Variants in PRAG1 observed in about 807,000 individuals in gnomAD.
PRAG1 encodes PEAK1 related, kinase-activating pseudokinase 1.
A neutral mutation model predicts 95.6 loss-of-function variants in PRAG1; 110 were observed. That is an observed-to-expected ratio of 1.15 (90% CI 0.99 to 1.35). The LOEUF (loss-of-function observed/expected upper bound fraction) is 1.35, where lower values mean the gene tolerates loss of function less well. Ranked by LOEUF, PRAG1 falls within the 40% of genes most tolerant of loss-of-function variation. The pLI, the probability that PRAG1 is intolerant of heterozygous loss-of-function variation, is 0.00. For synonymous variants in PRAG1, 1,052 were observed against 819.4 expected (o/e 1.28, Z -4.85); for missense variants, 2,554 against 1,864.7 (o/e 1.37, Z -6.81).
In PRAG1 at chr8:8,377,558, C is replaced by A. The variant is rs1210046417; in HGVS notation, c.851G>T (p.Cys284Phe). ...CCCCTGCTCCCAGCACGTGGGTGAG[C>A]AGTCCCTGCCACCATGCCTGCCCCG... ...GSRGRHGGRD[C>F]SPTCWEQGKC... The change falls in exon 3 of 6, where the codon TGC becomes TTC. Residue 284 changes from cysteine (C) to phenylalanine (F), a missense_variant. Coordinates refer to ENST00000615670, the MANE Select transcript of PRAG1 (RefSeq NM_001080826.3). 2 of 1,606,012 alleles carry A rather than the reference C, an allele frequency of 1.2e-6. No individual in the cohort carries two copies. The highest frequency in any genetic ancestry group is 1.1e-5 in the South Asian group (1 of 89,994).
chr8:8,373,870 A>G (rs1238823720), intron 3 of PRAG1, among the ~76,000 whole-genome samples: 1 of 152,170 alleles, frequency 6.6e-6, no homozygotes, highest in Non-Finnish European at 1.5e-5. Flanking sequence ...TTATCATAAC[A>G]AACTGGGCCG....
At chr8:8,382,414 C>A (rs552007519) in intron 1 of PRAG1, among the ~76,000 whole-genome samples, 22 of 152,326 alleles carry the variant, frequency 1.4e-4, no homozygotes, top group African/African-American at 5.1e-4. Flanking sequence ...AAGTGGGGTG[C>A]TGGCCTGTCC....
chr8:8,318,312 T>C lies in PRAG1; in HGVS notation c.4063A>G (p.Ile1355Val). Residue 1355 changes from isoleucine to valine, a missense_variant, in exon 6 of 6, where the codon ATC becomes GTC. Ile to Val is a conservative substitution (Grantham distance 29). Coordinates refer to ENST00000615670, the MANE Select transcript of PRAG1 (RefSeq NM_001080826.3). This position sits in a 1 kb window ranked among gnomAD's most constrained non-coding sequence, Gnocchi z 4.2. ...ATCATCAGGGCCCGCTTCATGTCGA[T>C]CCAGTTGTGCAGCGTGCCGCACAGC... The part of the protein sequence containing the change: ...EALCGTLHNW[I>V]DMKRALMMMK... 1 of 1,614,118 alleles carries C rather than the reference T, an allele frequency of 6.2e-7. No individual in the cohort carries two copies. The highest frequency in any genetic ancestry group is 8.5e-7 in the Non-Finnish European group (1 of 1,179,974).
intron 5 of PRAG1, among the ~76,000 whole-genome samples, chr8:8,325,802 A>G (rs561907616): frequency 6.6e-6 from 1 of 151,900 alleles, no homozygotes; most frequent in Non-Finnish European, 1.5e-5. Flanking sequence ...AGTCCCAGTT[A>G]CTCAGGAGAC....
At position 8,318,967 on chromosome 8, in the gene PRAG1, C is replaced by T. The variant is rs373317633; in HGVS notation, c.3408G>A (p.Leu1136=). 6.2e-6 allele frequency: 10 copies of T among 1,613,130 alleles called. No individual in the cohort carries two copies. Among genetic ancestry groups the T allele is most frequent in the South Asian group, 1.1e-5 (1 of 91,076 alleles). Residue 1136 remains leucine (L), a synonymous_variant, in exon 6 of 6, where the codon CTG becomes CTA. Coordinates refer to ENST00000615670, the MANE Select transcript of PRAG1 (RefSeq NM_001080826.3). This position sits in a 1 kb window ranked among gnomAD's most constrained non-coding sequence, Gnocchi z 4.2. ...CCCGGTGGATGATCCCGTGCTCCTT[C>T]AGGTGCTCCAGCCCGTTGCAGAGTT... ...LLQLCNGLEH[L]KEHGIIHRDL...
At position 8,328,349 on chromosome 8, in the gene PRAG1, C is replaced by T. The variant is rs564201535; in HGVS notation, c.2433G>A (p.Gln811=). Residue 811 remains glutamine, a synonymous_variant, in exon 5 of 6, where the codon CAG becomes CAA. Coordinates refer to ENST00000615670, the MANE Select transcript of PRAG1 (RefSeq NM_001080826.3). Reference sequence around the variant, plus strand: ...TCTTTTTCTGGGGGAGTGGAGGGGGCTGCTGGGGGCCACTGGGGGACACGT... The same window carrying T: ...TCTTTTTCTGGGGGAGTGGAGGGGGTTGCTGGGGGCCACTGGGGGACACGT... ...TEDVSPSGPQ[Q]PPPLPQKKIV... 12 of 1,612,864 alleles carry T rather than the reference C, an allele frequency of 7.4e-6. No individual in the cohort carries two copies. In the South Asian group the frequency reaches 1.3e-4, roughly 18 times the overall value.
chr8:8,365,742 C>T (rs1249615965), intron 3 of PRAG1, among the ~76,000 whole-genome samples: 2 of 151,996 alleles, frequency 1.3e-5, no homozygotes, highest in African/African-American at 2.4e-5. Flanking sequence ...GAGGGTGGAT[C>T]ACCTGAGGTC....
At position 8,381,758 on chromosome 8, in the gene PRAG1, C is replaced by T. The variant is rs759707553; in HGVS notation, c.-11G>A. 3.2e-6 allele frequency: 5 copies of T among 1,564,686 alleles called. No homozygotes were observed. In the East Asian group the frequency reaches 1.1e-4, roughly 35 times the overall value. ...GAGGGTCTGGTGCATCTTGAGCCGA[C>T]AGGGTGCTGGTTCATCTTGCGCCCG... On this transcript the variant is annotated 5_prime_UTR_variant, in exon 2 of 6. Coordinates refer to ENST00000615670, the MANE Select transcript of PRAG1 (RefSeq NM_001080826.3).
chr8:8,385,855 C>A (rs1800829042), intron 1 of PRAG1, among the ~76,000 whole-genome samples: 1 of 152,090 alleles, frequency 6.6e-6, no homozygotes, highest in South Asian at 2.1e-4. Context: ...CTCTGGAGCC[C>A]CGCTGCTGCA....
intron 3 of PRAG1, among the ~76,000 whole-genome samples, chr8:8,372,959 T>C (rs1800259733): frequency 6.6e-6 from 1 of 152,188 alleles, no homozygotes; most frequent in African/African-American, 2.4e-5. Flanking sequence ...GCAAGTCCTT[T>C]TTCTAGAGGT....
intron 3 of PRAG1, among the ~76,000 whole-genome samples, 179 bp downstream of exon 3, chr8:8,376,068 G>A (rs35968648): frequency 6.6e-6 from 1 of 152,136 alleles, no homozygotes; most frequent in Non-Finnish European, 1.5e-5. Context: ...GGTACAAAGA[G>A]GGCCACAACT....
chr8:8,318,148 C>T lies in PRAG1; in HGVS notation c.*6G>A, dbSNP rs1318143811. 1.2e-6 allele frequency: 2 copies of T among 1,608,660 alleles called. No homozygotes were observed. Among genetic ancestry groups the T allele is most frequent in the Admixed American group, 1.7e-5 (1 of 59,610 alleles). The stretch of plus-strand genomic sequence containing the variant: ...GGGGCAGCGACGGTGCAGGCTGGGG[C>T]TTGGCTCACAGAAGCTGCAGGAGCT... On this transcript the variant is annotated 3_prime_UTR_variant, in exon 6 of 6. Transcript: ENST00000615670. This position sits in a 1 kb window ranked among gnomAD's most constrained non-coding sequence, Gnocchi z 4.2.
In PRAG1 at chr8:8,376,314, AGGCAAAAGAG is replaced by A; in HGVS notation, c.2085_2094del (p.Ser696LeufsTer26). On this transcript the variant is annotated frameshift_variant, in exon 3 of 6. Coordinates refer to ENST00000615670, the MANE Select transcript of PRAG1 (RefSeq NM_001080826.3). LOFTEE classifies it high-confidence loss of function. ...CCACTTCTGTCCTTGGGGAACTCAA[AGGCAAAAGAG>A]GCGGATTTGCTCATCCCGGTCCCAA... 5.0e-6 allele frequency: 8 copies of A among 1,614,184 alleles called. No individual in the cohort carries two copies. In the Middle Eastern group the frequency reaches 1.3e-3, roughly 266 times the overall value.
At chr8:8,370,191 A>C (rs964484529) in intron 3 of PRAG1, among the ~76,000 whole-genome samples, 1 of 152,260 alleles carries the variant, frequency 6.6e-6, no homozygotes, top group African/African-American at 2.4e-5. Flanking sequence ...CTAGGAATCA[A>C]TTTCAATGGT....
chr8:8,357,011 T>C (rs1379468757), intron 3 of PRAG1, among the ~76,000 whole-genome samples: 1 of 152,180 alleles, frequency 6.6e-6, no homozygotes, highest in Non-Finnish European at 1.5e-5. Flanking sequence ...CCTTGCCTAA[T>C]ATTGTATACA....
At chr8:8,325,919 A>C (rs1050916759) in intron 5 of PRAG1, among the ~76,000 whole-genome samples, 1 of 151,240 alleles carries the variant, frequency 6.6e-6, no homozygotes, top group African/African-American at 2.4e-5. Context: ...CTCTAAATAA[A>C]TACATTAATA....
intron 2 of PRAG1, among the ~76,000 whole-genome samples, chr8:8,380,451 T>C (rs1189451183): frequency 6.6e-6 from 1 of 151,560 alleles, no homozygotes; most frequent in Non-Finnish European, 1.5e-5. Flanking sequence ...ATACAAAGAT[T>C]AGTTGGGCAT....
intron 4 of PRAG1, among the ~76,000 whole-genome samples, chr8:8,336,480 T>G (rs1798987391): frequency 6.6e-6 from 1 of 152,182 alleles, no homozygotes; most frequent in Non-Finnish European, 1.5e-5. Flanking sequence ...CAAATTTTCC[T>G]TGCACTGAGT....
At chr8:8,383,207 A>G (rs1200034260) in intron 1 of PRAG1, among the ~76,000 whole-genome samples, 2 of 152,118 alleles carry the variant, frequency 1.3e-5, no homozygotes, top group East Asian at 3.9e-4. Flanking sequence ...TTTTATCTCC[A>G]CACTCATAGA....
Sources: gnomAD v4.1 joint callset for allele counts (sites outside exome capture counted in the v4.1 genomes callset) on GRCh38, gnomAD v4.1.1 for gene constraint, Gnocchi (gnomAD v3.1) non-coding constraint, MANE v1.5 for transcripts, NCBI Gene and HGNC (gene_info 2026-07-23, HGNC 2026-07-21) for gene names.